IL1RAPL2: variants seen among roughly 807,000 people sequenced by gnomAD.
IL1RAPL2 encodes the protein X-linked interleukin-1 receptor accessory protein-like 2.
In IL1RAPL2, 3 loss-of-function variants were observed where a neutral mutation model predicts 44.1. That is an observed-to-expected ratio of 0.07 (90% CI 0.03 to 0.18). The LOEUF is 0.18. IL1RAPL2 is among the 10% of genes least tolerant of loss of function. The pLI is 1.00. For missense variants in IL1RAPL2, 391 were observed against 496.4 expected (o/e 0.79, Z 2.02); for synonymous variants, 181 against 178.8 (o/e 1.01, Z -0.10).
chrX:105,176,356 G>C (rs1047668282), intron 2 of IL1RAPL2, among the ~76,000 whole-genome samples: 7 of 111,162 alleles, frequency 6.3e-5, no homozygotes, highest in African/African-American at 2.0e-4. Flanking sequence ...TTATACTCAG[G>C]AAGTATGCTA....
intron 2 of IL1RAPL2, among the ~76,000 whole-genome samples, chrX:104,806,082 G>T (rs192916025): frequency 8.9e-6 from 1 of 112,053 alleles, no homozygotes; most frequent in African/African-American, 3.2e-5. Context: ...GCTTTTAAAA[G>T]CTCCCCAGGA....
chrX:105,649,042 T>C (rs1324158841), intron 6 of IL1RAPL2, among the ~76,000 whole-genome samples: 1 of 111,524 alleles, frequency 9.0e-6, no homozygotes, highest in Non-Finnish European at 1.9e-5. Context: ...TGGTAGATGA[T>C]AATAGGAAGC....
intron 6 of IL1RAPL2, among the ~76,000 whole-genome samples, chrX:105,642,421 C>T (rs781461964): frequency 1.8e-5 from 2 of 111,777 alleles, no homozygotes; most frequent in African/African-American, 6.5e-5. Flanking sequence ...AACATCATTA[C>T]ACACATATAA....
Position 105,339,120 on chromosome X carries a change from A to T in IL1RAPL2, c.697+71579A>T, listed in dbSNP as rs2035051700. ...TCCATCTCAAACAAACAAACAAATA[A>T]ATAAATAAATACAAACAAAACAGCA... On this transcript the variant is annotated intron_variant, in intron 5 of 10. Transcript: ENST00000372582. Among the ~76,000 whole-genome samples, 3 of 111,291 alleles carry T rather than the reference A, an allele frequency of 2.7e-5. No homozygotes were observed. The Admixed American group carries it at 2.9e-4, about 11-fold the overall frequency.
chrX:104,646,331 C>CA (rs572432274), intron 1 of IL1RAPL2, among the ~76,000 whole-genome samples: 19,884 of 68,691 alleles, frequency 0.29, 3,286 homozygotes, highest in African/African-American at 0.6. Context: ...GCTGGGGATG[C>CA]AAAAAAAAAA....
chrX:105,145,082 C>A (rs1229630751), intron 2 of IL1RAPL2, among the ~76,000 whole-genome samples: 1 of 111,890 alleles, frequency 8.9e-6, no homozygotes, highest in Non-Finnish European at 1.9e-5. Context: ...TTAAATGTTT[C>A]TTGAACCTAT....
chrX:105,018,435 T>A (rs760309951), intron 2 of IL1RAPL2, among the ~76,000 whole-genome samples: 1 of 111,733 alleles, frequency 8.9e-6, no homozygotes, highest in Non-Finnish European at 1.9e-5. Flanking sequence ...CCTTCTCTTG[T>A]ACTTCCATAG....
chrX:104,582,412 T>C (rs1480968375), intron 1 of IL1RAPL2, among the ~76,000 whole-genome samples: 1 of 111,884 alleles, frequency 8.9e-6, no homozygotes, highest in Non-Finnish European at 1.9e-5. Context: ...GGCATTAGGC[T>C]GATTTTCAAT....
chrX:105,148,972 C>A (rs1426695983), intron 2 of IL1RAPL2, among the ~76,000 whole-genome samples: 1 of 111,811 alleles, frequency 8.9e-6, no homozygotes, highest in Non-Finnish European at 1.9e-5. Context: ...TCTTGGACTT[C>A]CCAGCCCCCA....
At chrX:105,661,690 T>TATC (rs1165468039) in intron 6 of IL1RAPL2, among the ~76,000 whole-genome samples, 11 of 112,072 alleles carry the variant, frequency 9.8e-5, no homozygotes, top group Admixed American at 7.6e-4. Flanking sequence ...GTCTAATACT[T>TATC]ATCAGTTTCT....
chrX:105,066,371 C>G, intron 2 of IL1RAPL2, among the ~76,000 whole-genome samples: 1 of 111,434 alleles, frequency 9.0e-6, no homozygotes, highest in Admixed American at 9.6e-5. Context: ...GAAACAAAAC[C>G]TACTACAGTA....
rs768055582 is a variant in IL1RAPL2, at chrX:104,902,767, G to T, written c.82+243772G>T. ...CTTGATCAATGTAAATAAATATAAGGCCCAGTTTTAAAAACATAAACATTT... is the reference window on the plus strand; with the variant it reads ...CTTGATCAATGTAAATAAATATAAGTCCCAGTTTTAAAAACATAAACATTT... On this transcript the variant is annotated intron_variant, in intron 2 of 10. Transcript: ENST00000372582. 7.2e-5 allele frequency among the ~76,000 whole-genome samples: 8 copies of T among 111,330 alleles called. No individual in the cohort carries two copies. The East Asian group carries it at 2.3e-3, about 31-fold the overall frequency.
At chrX:104,593,316 C>T in intron 1 of IL1RAPL2, among the ~76,000 whole-genome samples, 1 of 111,838 alleles carries the variant, frequency 8.9e-6, no homozygotes. Context: ...AAAGCATTTT[C>T]ATCTTGCCTT....
chrX:105,211,736 A>G (rs187156413), intron 3 of IL1RAPL2, among the ~76,000 whole-genome samples: 2 of 111,294 alleles, frequency 1.8e-5, no homozygotes, highest in Non-Finnish European at 3.8e-5. Flanking sequence ...CAGCGAGAAC[A>G]ATGAAGAAGG....
intron 6 of IL1RAPL2, among the ~76,000 whole-genome samples, chrX:105,716,416 A>G (rs191981951): frequency 4.8e-4 from 54 of 111,940 alleles, no homozygotes; most frequent in Non-Finnish European, 7.5e-4. Context: ...TGTAGTGCCA[A>G]GAAAAGAGCA....
intron 7 of IL1RAPL2, among the ~76,000 whole-genome samples, chrX:105,728,568 T>C (rs778806704): frequency 9.0e-6 from 1 of 111,447 alleles, no homozygotes; most frequent in Admixed American, 9.6e-5. Context: ...TACAAAGAAG[T>C]TAACAGATAA....
At chrX:104,581,791 A>C in intron 1 of IL1RAPL2, among the ~76,000 whole-genome samples, 1 of 111,307 alleles carries the variant, frequency 9.0e-6, no homozygotes, top group South Asian at 3.9e-4. Flanking sequence ...AGCCTCCCAA[A>C]GTGCTGGGAT....
chrX:104,839,385 G>A (rs769964696), intron 2 of IL1RAPL2, among the ~76,000 whole-genome samples: 32 of 111,680 alleles, frequency 2.9e-4, no homozygotes, highest in African/African-American at 8.8e-4. Context: ...GATGGATTAC[G>A]TTTATTGATT....
At chrX:104,698,299 C>T (rs1206970723) in intron 2 of IL1RAPL2, among the ~76,000 whole-genome samples, 3 of 112,366 alleles carry the variant, frequency 2.7e-5, no homozygotes, top group African/African-American at 9.7e-5. Context: ...CTAGGTCCAA[C>T]TGTACTCAAA....
Sources: allele counts gnomAD v4.1 joint callset (sites outside exome capture counted in the v4.1 genomes callset), GRCh38; gene constraint gnomAD v4.1.1; transcripts MANE v1.5; gene names NCBI Gene and HGNC (gene_info 2026-07-23, HGNC 2026-07-21).